ANO4: variants seen among roughly 807,000 people sequenced by gnomAD.
The protein encoded by ANO4 is anoctamin 4.
Under a neutral mutation model 141.9 loss-of-function variants are expected in ANO4, and 69 were observed. That is an observed-to-expected ratio of 0.49 (90% CI 0.40 to 0.59). ANO4 has a LOEUF of 0.59. ANO4 is among the 20% of genes least tolerant of loss of function. The pLI is 0.00. For synonymous variants in ANO4, 350 were observed against 394.3 expected (o/e 0.89, Z 1.33); for missense variants, 894 against 1,162.2 (o/e 0.77, Z 3.36).
chr12:101,089,631 T>C (rs2049666717), intron 17 of ANO4, among the ~76,000 whole-genome samples: 1 of 152,230 alleles, frequency 6.6e-6, no homozygotes, highest in South Asian at 2.1e-4. Flanking sequence ...TTTCCTCCAA[T>C]GTCTTAAAAT....
In ANO4 at chr12:100,777,269, CTTTTTTTTTTTT is replaced by C. The variant is rs71091463; in HGVS notation, c.358+37182_358+37193del. On this transcript the variant is annotated intron_variant, in intron 3 of 29. Coordinates refer to the ANO4 transcript ENST00000644049. ...CACCAAGTCCAGCTAATTTTTGTAT[CTTTTTTTTTTTT>C]TTTTTTTTTTTTTTTTTAGTAGAGA... Among the ~76,000 whole-genome samples, 12 of 50,618 alleles carry C rather than the reference CTTTTTTTTTTTT, an allele frequency of 2.4e-4. No individual in the cohort carries two copies. In the East Asian group the frequency reaches 3.7e-3, roughly 16 times the overall value. The allele number at this position is 50,618 out of a possible 152,430, so 33.2% of individuals were successfully genotyped here.
At chr12:100,982,969 C>T (rs2044548980) in intron 7 of ANO4, among the ~76,000 whole-genome samples, 1 of 152,210 alleles carries the variant, frequency 6.6e-6, no homozygotes, top group African/African-American at 2.4e-5. Context: ...TGTCCCAGGC[C>T]ACACTGATGT....
chr12:100,810,232 C>T (rs1404224741), intron 1 of ANO4, among the ~76,000 whole-genome samples: 1 of 151,594 alleles, frequency 6.6e-6, no homozygotes, highest in Non-Finnish European at 1.5e-5. Context: ...AGGGTATGAG[C>T]CAGGGAAATG....
chr12:100,788,664 C>T (rs1273735269), intron 3 of ANO4, among the ~76,000 whole-genome samples: 1 of 152,084 alleles, frequency 6.6e-6, no homozygotes, highest in East Asian at 1.9e-4. Flanking sequence ...AAACATTGGT[C>T]ACGCTGTAAA....
chr12:100,896,458 C>A (rs1353360152), intron 1 of ANO4, among the ~76,000 whole-genome samples: 1 of 152,220 alleles, frequency 6.6e-6, no homozygotes, highest in Non-Finnish European at 1.5e-5. Flanking sequence ...TTCTGTCTAC[C>A]TTTCTGGAGT....
At chr12:100,935,569 T>G (rs953261174) in intron 3 of ANO4, among the ~76,000 whole-genome samples, 4 of 152,194 alleles carry the variant, frequency 2.6e-5, no homozygotes, top group Non-Finnish European at 5.9e-5. Flanking sequence ...AGGAAGGTGA[T>G]GGGATTCATT....
intron 1 of ANO4, among the ~76,000 whole-genome samples, chr12:100,817,173 A>C (rs1353645449): frequency 6.6e-6 from 1 of 151,800 alleles, no homozygotes; most frequent in African/African-American, 2.4e-5. Context: ...TAGATCTTTC[A>C]ACATATATAT....
chr12:100,952,781 T>A (rs911161474), intron 5 of ANO4, among the ~76,000 whole-genome samples: 2 of 152,160 alleles, frequency 1.3e-5, no homozygotes, highest in Non-Finnish European at 2.9e-5. Context: ...GGTTTAAAGA[T>A]CTAAGGGCCT....
At chr12:100,912,943 C>T (rs1403058816) in intron 2 of ANO4, among the ~76,000 whole-genome samples, 3 of 152,090 alleles carry the variant, frequency 2.0e-5, no homozygotes, top group Non-Finnish European at 4.4e-5. Flanking sequence ...GAATCTCTTC[C>T]TCTTTAAGTG....
rs1290213219 is a variant in ANO4, at chr12:101,111,574, G to A, written c.2314G>A (p.Gly772Arg). ...TTCTATTTGAATAGGAATTTGGTATGGAATTCTTGAAGGCATTGGAATTCT... is the reference window on the plus strand; with the variant it reads ...TTCTATTTGAATAGGAATTTGGTATAGAATTCTTGAAGGCATTGGAATTCT... ...SRAKDIGIWYGILEGIGILSV... is the reference protein window; with the variant it reads ...SRAKDIGIWYRILEGIGILSV... The change falls in exon 24 of 28, where the codon GGA becomes AGA. Residue 772 changes from glycine to arginine, a missense_variant. Coordinates refer to ENST00000392977, the MANE Select transcript of ANO4 (RefSeq NM_001286615.2). The A allele has an allele frequency of 6.2e-7, 1 of 1,604,342 alleles. No homozygotes were observed. The highest frequency in any genetic ancestry group is 8.5e-7 in the Non-Finnish European group (1 of 1,175,494).
chr12:100,948,610 G>A (rs1323554633), intron 5 of ANO4, among the ~76,000 whole-genome samples: 1 of 152,176 alleles, frequency 6.6e-6, no homozygotes, highest in Non-Finnish European at 1.5e-5. Flanking sequence ...ATTTAAAAAA[G>A]GGAGTTATTT....
chr12:100,875,250 G>GT (rs1176302245), intron 1 of ANO4, among the ~76,000 whole-genome samples: 1 of 152,138 alleles, frequency 6.6e-6, no homozygotes, highest in African/African-American at 2.4e-5. Context: ...TCCCCTTACT[G>GT]TTCTTGTGAT....
At chr12:100,897,193 T>C (rs1461910094) in intron 1 of ANO4, among the ~76,000 whole-genome samples, 1 of 152,154 alleles carries the variant, frequency 6.6e-6, no homozygotes, top group African/African-American at 2.4e-5. Flanking sequence ...GAGGAAAAGG[T>C]ATTTTTGTAA....
intron 8 of ANO4, among the ~76,000 whole-genome samples, chr12:101,005,845 A>G (rs1216471768): frequency 1.3e-5 from 2 of 152,132 alleles, no homozygotes; most frequent in Non-Finnish European, 2.9e-5. Context: ...CTAGGATATT[A>G]CTTTTTTCTC....
chr12:101,000,231 T>C (rs535364653), intron 8 of ANO4, among the ~76,000 whole-genome samples: 1 of 152,296 alleles, frequency 6.6e-6, no homozygotes, highest in East Asian at 1.9e-4. Context: ...AGAGACTGAT[T>C]TTGCAAAGGC....
chr12:100,976,046 G>A (rs1046197062), intron 7 of ANO4, among the ~76,000 whole-genome samples: 4 of 151,742 alleles, frequency 2.6e-5, no homozygotes, highest in Non-Finnish European at 5.9e-5. Context: ...GAAGGGGAAT[G>A]CATCAATGAT....
intron 5 of ANO4, among the ~76,000 whole-genome samples, chr12:100,943,274 G>A (rs568477499): frequency 6.6e-6 from 1 of 152,284 alleles, no homozygotes; most frequent in Non-Finnish European, 1.5e-5. Context: ...TAAACATTGT[G>A]CAAAGCTTCT....
At chr12:100,759,280 T>A (rs2032751906) in intron 3 of ANO4, among the ~76,000 whole-genome samples, 1 of 152,208 alleles carries the variant, frequency 6.6e-6, no homozygotes, top group African/African-American at 2.4e-5. Flanking sequence ...TTTCCTTTCG[T>A]GTATTTATTT....
At chr12:100,841,261 C>T (rs2037231329) in intron 1 of ANO4, among the ~76,000 whole-genome samples, 1 of 152,100 alleles carries the variant, frequency 6.6e-6, no homozygotes, top group African/African-American at 2.4e-5. Flanking sequence ...TTGGCTCATA[C>T]AAATCTTGTC....
Sources: gnomAD v4.1 joint callset for allele counts (sites outside exome capture counted in the v4.1 genomes callset) on GRCh38, gnomAD v4.1.1 for gene constraint, MANE v1.5 for transcripts, NCBI Gene and HGNC (gene_info 2026-07-23, HGNC 2026-07-21) for gene names.